WWP1: variants seen among roughly 807,000 people sequenced by gnomAD.
WWP1 encodes the protein NEDD4-like E3 ubiquitin-protein ligase WWP1.
WWP1 carries 49 observed loss-of-function variants against 130.6 expected under a neutral mutation model. The observed-to-expected ratio is 0.38, with a 90% CI of 0.30 to 0.48. The LOEUF (loss-of-function observed/expected upper bound fraction) is 0.48, where lower values mean the gene tolerates loss of function less well. Ranked by LOEUF, WWP1 falls within the 20% of genes least tolerant of loss-of-function variation. The pLI is 0.99. For synonymous variants in WWP1, 332 were observed against 367.8 expected (o/e 0.90, Z 1.11); for missense variants, 809 against 1,100.6 (o/e 0.74, Z 3.75).
At chr8:86,421,892 T>C (rs536061153) in intron 9 of WWP1, among the ~76,000 whole-genome samples, 2 of 152,238 alleles carry the variant, frequency 1.3e-5, no homozygotes, top group South Asian at 4.2e-4. Context: ...AGCTATTTGA[T>C]CCTCTCTCAA....
chr8:86,349,406 T>C (rs528267532), intron 1 of WWP1, among the ~76,000 whole-genome samples: 205 of 152,334 alleles, frequency 1.3e-3, no homozygotes, highest in African/African-American at 4.8e-3. Flanking sequence ...GTCACAAATC[T>C]AGCCCAGGTT....
At chr8:86,383,299 G>A (rs545658268) in intron 5 of WWP1, among the ~76,000 whole-genome samples, 172 of 151,870 alleles carry the variant, frequency 1.1e-3, no homozygotes, top group South Asian at 8.7e-3. Flanking sequence ...TCCCATTGTT[G>A]GACATCTAGA....
At chr8:86,460,209 C>G (rs1260649763) in intron 22 of WWP1, among the ~76,000 whole-genome samples, 1 of 152,090 alleles carries the variant, frequency 6.6e-6, no homozygotes, top group Non-Finnish European at 1.5e-5. Flanking sequence ...AGGAAGAACA[C>G]AAAGTGTTAG....
intron 18 of WWP1, among the ~76,000 whole-genome samples, chr8:86,447,263 G>C (rs1487528394): frequency 6.6e-6 from 1 of 152,018 alleles, no homozygotes; most frequent in African/African-American, 2.4e-5. Context: ...AGTTTGAAGG[G>C]AGTTATTTTA....
In WWP1 at chr8:86,430,578, C is replaced by T. The variant is rs560155221; in HGVS notation, c.1333-119C>T. 2.5e-5 allele frequency: 19 copies of T among 761,276 alleles called. No homozygotes were observed. In the East Asian group the frequency reaches 3.9e-4, roughly 16 times the overall value. The allele number at this position is 761,276 out of a possible 1,614,324, so 47.2% of individuals were successfully genotyped here. ...AGGCATGAGCCACTGCGCCCAACCC[C>T]TTATCATATTTTTAGAAAATTATTA... On this transcript the variant is annotated intron_variant, in intron 11 of 24. Transcript: ENST00000517970.
chr8:86,392,909 TC>T (rs1168992638), intron 5 of WWP1, among the ~76,000 whole-genome samples: 1 of 152,188 alleles, frequency 6.6e-6, no homozygotes, highest in African/African-American at 2.4e-5. Flanking sequence ...TTCTGGAAGT[TC>T]AGCTGCCTTT....
chr8:86,349,614 CT>C (rs1822799035), intron 1 of WWP1, among the ~76,000 whole-genome samples: 1 of 152,130 alleles, frequency 6.6e-6, no homozygotes, highest in Non-Finnish European at 1.5e-5. Context: ...AAAGCTGAGT[CT>C]AAAAAGTGCA....
intron 8 of WWP1, among the ~76,000 whole-genome samples, chr8:86,405,326 ATTTTTTT>A (rs35346142): frequency 9.3e-5 from 12 of 128,904 alleles, no homozygotes; most frequent in South Asian, 5.0e-4. Context: ...AACCAAAAGG[ATTTTTTT>A]TTTTTTTTTT....
intron 5 of WWP1, among the ~76,000 whole-genome samples, chr8:86,392,354 T>A (rs1807394703): frequency 6.6e-6 from 1 of 152,222 alleles, no homozygotes; most frequent in Admixed American, 6.5e-5. Context: ...CTTCACTTTG[T>A]GTTTCAATTT....
At chr8:86,461,091 G>A in intron 22 of WWP1, 133 bp from the exon 23 acceptor site, 2 of 763,558 alleles carry the variant, frequency 2.6e-6, no homozygotes, top group South Asian at 3.6e-5. Context: ...TTACAGGTGT[G>A]AGCCACCACG....
chr8:86,397,174 G>A (rs1807726444), intron 5 of WWP1, among the ~76,000 whole-genome samples: 1 of 152,170 alleles, frequency 6.6e-6, no homozygotes, highest in Non-Finnish European at 1.5e-5. Context: ...ATATAGGAAA[G>A]ATCAAAGTTA....
chr8:86,413,951 C>G (rs1488424672), intron 9 of WWP1, among the ~76,000 whole-genome samples: 1 of 152,044 alleles, frequency 6.6e-6, no homozygotes, highest in African/African-American at 2.4e-5. Context: ...ATGAGGGAAG[C>G]CGGCATTCCA....
intron 5 of WWP1, chr8:86,386,872 A>G (rs1825315680): frequency 6.6e-6 from 1 of 152,256 alleles, no homozygotes; most frequent in South Asian, 2.1e-4. Context: ...AGATGCCAGC[A>G]GGTTCGAGTT....
rs750611365 is a variant in WWP1 at position 86,466,973 on chromosome 8, T to G, written c.*80T>G. The G allele has an allele frequency of 2.6e-5, 26 of 1,001,348 alleles. No individual in the cohort carries two copies. Among genetic ancestry groups the G allele is most frequent in the Non-Finnish European group, 3.2e-5 (21 of 660,972 alleles). The allele number at this position is 1,001,348 out of a possible 1,614,324, so 62.0% of individuals were successfully genotyped here. A position where few individuals can be genotyped will look rare whatever the true frequency, so the allele number is the denominator to read the frequency against. ...AATTGCACAGATAGTGTATATAAGCTGTTCATTCTGTACAGTGAATTTTCC... is the reference window on the plus strand; with the variant it reads ...AATTGCACAGATAGTGTATATAAGCGGTTCATTCTGTACAGTGAATTTTCC... On this transcript the variant is annotated 3_prime_UTR_variant, in exon 25 of 25. Coordinates refer to ENST00000517970, the MANE Select transcript of WWP1 (RefSeq NM_007013.4).
chr8:86,428,194 C>CTTGCAGT, intron 11 of WWP1, among the ~76,000 whole-genome samples: 1 of 152,208 alleles, frequency 6.6e-6, no homozygotes, highest in Non-Finnish European at 1.5e-5. Flanking sequence ...TAGAGCCAGT[C>CTTGCAGT]TTGCAGTATG....
intron 3 of WWP1, among the ~76,000 whole-genome samples, chr8:86,374,727 T>C (rs1488951956): frequency 6.6e-6 from 1 of 152,126 alleles, no homozygotes; most frequent in Non-Finnish European, 1.5e-5. Flanking sequence ...TTTTTTCTTT[T>C]GAGATAGGGT....
chr8:86,450,708 CTTGCTCT>C (rs1466194152), intron 20 of WWP1, among the ~76,000 whole-genome samples: 2 of 152,076 alleles, frequency 1.3e-5, no homozygotes, highest in Non-Finnish European at 2.9e-5. Context: ...GTTTTTTAAT[CTTGCTCT>C]TGAAAATTAT....
chr8:86,452,475 AAG>A (rs774280576), intron 20 of WWP1, 82 bp from the exon 21 acceptor site: 79 of 1,217,466 alleles, frequency 6.5e-5, no homozygotes, highest in Non-Finnish European at 8.5e-5. Context: ...GAAAAAGAGA[AAG>A]AACTATAGAA....
chr8:86,429,564 A>G (rs1049773341), intron 11 of WWP1, among the ~76,000 whole-genome samples: 4 of 152,208 alleles, frequency 2.6e-5, no homozygotes, highest in Non-Finnish European at 2.9e-5. Flanking sequence ...GAATGGAGGC[A>G]TACATAAAAA....
Sources: gnomAD v4.1 joint callset for allele counts (sites outside exome capture counted in the v4.1 genomes callset) on GRCh38, gnomAD v4.1.1 for gene constraint, MANE v1.5 for transcripts, NCBI Gene and HGNC (gene_info 2026-07-23, HGNC 2026-07-21) for gene names.